WDR41: variants seen among roughly 807,000 people sequenced by gnomAD.
WDR41 encodes the protein WD repeat-containing protein 41.
In WDR41, 63 loss-of-function variants were observed where a neutral mutation model predicts 69.3. The ratio of observed to expected loss-of-function variants is 0.91; its 90% confidence interval spans 0.74 to 1.12. The LOEUF (loss-of-function observed/expected upper bound fraction) is 1.12, where lower values mean the gene tolerates loss of function less well. WDR41 is among the 50% of genes most tolerant of loss of function. The pLI is 0.00. For missense variants in WDR41, 543 were observed against 534.5 expected (o/e 1.02, Z -0.16); for synonymous variants, 185 against 192.1 (o/e 0.96, Z 0.31).
At position 77,616,390 on chromosome 5, in the gene WDR41, G is replaced by GATCT. The variant is rs1389277740; in HGVS notation, c.42+4085_42+4088dup. On this transcript the variant is annotated intron_variant, in intron 1 of 5. Coordinates refer to the WDR41 transcript ENST00000509971. ...ATCTGCATACAGAATCCACAACCATGATCTGCATTATAATTAATGTAGCAG... is the reference window on the plus strand; with the variant it reads ...ATCTGCATACAGAATCCACAACCATGATCTATCTGCATTATAATTAATGTAGCAG... Among the ~76,000 whole-genome samples, 4 of 152,174 alleles carry GATCT rather than the reference G, an allele frequency of 2.6e-5. No homozygotes were observed. In the East Asian group the frequency reaches 7.7e-4, roughly 29 times the overall value.
At chr5:77,586,689 A>G (rs893614677) in intron 1 of WDR41, among the ~76,000 whole-genome samples, 2 of 149,946 alleles carry the variant, frequency 1.3e-5, no homozygotes, top group Non-Finnish European at 3.0e-5. Context: ...CATGCATGAA[A>G]TCAAATTTTT....
intron 1 of WDR41, among the ~76,000 whole-genome samples, chr5:77,503,397 A>T (rs1802051120): frequency 6.6e-6 from 1 of 152,168 alleles, no homozygotes; most frequent in African/African-American, 2.4e-5. Flanking sequence ...TGACCTACAA[A>T]GAGACTTAGA....
At chr5:77,445,917 T>G (rs1489643654) in intron 8 of WDR41, among the ~76,000 whole-genome samples, 1 of 152,198 alleles carries the variant, frequency 6.6e-6, no homozygotes, top group Non-Finnish European at 1.5e-5. Context: ...TTGGAAGTTC[T>G]GTCCAGGGCA....
chr5:77,433,505 A>G (rs1004049440), intron 12 of WDR41, among the ~76,000 whole-genome samples: 1 of 152,188 alleles, frequency 6.6e-6, no homozygotes, highest in Non-Finnish European at 1.5e-5. Flanking sequence ...CAGAATAGCT[A>G]TTTTTGTAAA....
intron 2 of WDR41, among the ~76,000 whole-genome samples, chr5:77,466,880 C>G (rs1581727939): frequency 6.8e-6 from 1 of 147,942 alleles, no homozygotes; most frequent in African/African-American, 2.5e-5. Context: ...CTTTAAAATA[C>G]AAACCAGTAT....
chr5:77,445,206 C>G (rs977647662), intron 8 of WDR41, among the ~76,000 whole-genome samples: 2 of 152,270 alleles, frequency 1.3e-5, no homozygotes, highest in South Asian at 4.1e-4. Context: ...TGGACACATA[C>G]ACCCTCCCAA....
intron 1 of WDR41, among the ~76,000 whole-genome samples, chr5:77,506,867 T>G (rs990649815): frequency 3.1e-4 from 46 of 148,104 alleles, no homozygotes; most frequent in Middle Eastern, 3.2e-3. Context: ...ATGGGGAACA[T>G]CACACACTGG....
At chr5:77,513,070 A>G (rs1231231101) in intron 1 of WDR41, among the ~76,000 whole-genome samples, 1 of 152,120 alleles carries the variant, frequency 6.6e-6, no homozygotes, top group African/African-American at 2.4e-5. Flanking sequence ...ACGCTAAAAT[A>G]AACTTAAGTA....
At position 77,567,460 on chromosome 5, in the gene WDR41, G is replaced by C. The variant is rs1743654272; in HGVS notation, c.42+53019C>G. Reference sequence around the variant, plus strand: ...TGCAAGAAGGCTGGCTGATGCTGAGGTTGAAAAAAGAGCACCACTTCCATC... The same window carrying C: ...TGCAAGAAGGCTGGCTGATGCTGAGCTTGAAAAAAGAGCACCACTTCCATC... On this transcript the variant is annotated intron_variant, in intron 1 of 5. Transcript: ENST00000509971. 2.0e-5 allele frequency among the ~76,000 whole-genome samples: 3 copies of C among 152,000 alleles called. No homozygotes were observed. In the South Asian group the frequency reaches 6.2e-4, roughly 32 times the overall value.
intron 7 of WDR41, among the ~76,000 whole-genome samples, chr5:77,450,268 G>T (rs40595): frequency 0.63 from 95,841 of 152,080 alleles, 31,839 homozygotes; most frequent in African/African-American, 0.84. Context: ...TAAGCATTGC[G>T]ACAGAATAAG....
intron 7 of WDR41, among the ~76,000 whole-genome samples, chr5:77,450,096 C>T (rs1415057397): frequency 1.3e-5 from 2 of 152,180 alleles, no homozygotes; most frequent in Non-Finnish European, 2.9e-5. Flanking sequence ...CTGAAGAACT[C>T]TCTTCCTTTA....
At chr5:77,441,924 G>C (rs867689913) in intron 8 of WDR41, among the ~76,000 whole-genome samples, 1 of 151,748 alleles carries the variant, frequency 6.6e-6, no homozygotes, top group South Asian at 2.1e-4. Context: ...AAATACAAAT[G>C]GTCAGTAAAC....
intron 2 of WDR41, among the ~76,000 whole-genome samples, chr5:77,478,651 A>G (rs1351993695): frequency 6.6e-6 from 1 of 152,182 alleles, no homozygotes. Flanking sequence ...ATTCTCAATA[A>G]ATTAGGTATG....
chr5:77,597,713 C>A (rs113783681), intron 1 of WDR41, among the ~76,000 whole-genome samples: 4,906 of 152,202 alleles, frequency 0.032, 85 homozygotes, highest in South Asian at 0.055. Context: ...TATATAGGCA[C>A]TAAACAAATA....
rs1367613585 is a variant in WDR41 at position 77,434,662 on chromosome 5, A to G, written c.1228-1375T>C. 3.9e-5 allele frequency among the ~76,000 whole-genome samples: 6 copies of G among 152,120 alleles called. No homozygotes were observed. The East Asian group carries it at 1.2e-3, about 29-fold the overall frequency. ...GGAGAGTACAGTGACCCAAGACTGC[A>G]CTCCAGCCTGGGCAACAGAGTGAGA... On this transcript the variant is annotated intron_variant, in intron 12 of 12. Transcript: ENST00000296679.
chr5:77,468,221 T>G (rs540238677), intron 2 of WDR41, among the ~76,000 whole-genome samples: 4 of 152,244 alleles, frequency 2.6e-5, no homozygotes, highest in African/African-American at 7.2e-5. Context: ...AGTCCATAAG[T>G]CACTCGGTAA....
intron 1 of WDR41, among the ~76,000 whole-genome samples, chr5:77,511,801 G>A (rs6453314): frequency 0.55 from 82,413 of 150,990 alleles, 23,934 homozygotes; most frequent in African/African-American, 0.73. Flanking sequence ...TAAGTAAGGC[G>A]TCCAAGATAC....
intron 1 of WDR41, among the ~76,000 whole-genome samples, chr5:77,609,971 T>C (rs1201901121): frequency 2.0e-5 from 3 of 152,052 alleles, no homozygotes; most frequent in Non-Finnish European, 4.4e-5. Context: ...AAGGAGCTGA[T>C]GGAGCTGAAA....
At chr5:77,499,963 T>A (rs1191775931) in intron 1 of WDR41, among the ~76,000 whole-genome samples, 7 of 151,302 alleles carry the variant, frequency 4.6e-5, no homozygotes, top group African/African-American at 1.7e-4. Context: ...AATTGCTTGT[T>A]AAAAAAAAAT....
Sources: allele counts gnomAD v4.1 joint callset (sites outside exome capture counted in the v4.1 genomes callset), GRCh38; gene constraint gnomAD v4.1.1; transcripts MANE v1.5; gene names NCBI Gene and HGNC (gene_info 2026-07-23, HGNC 2026-07-21).